Variants in UEVLD observed in about 807,000 individuals in gnomAD.
UEVLD encodes ubiquitin-conjugating enzyme E2 variant 3.
Under a neutral mutation model 58.6 loss-of-function variants are expected in UEVLD, and 47 were observed. That is an observed-to-expected ratio of 0.80 (90% CI 0.63 to 1.02). The LOEUF is 1.02. UEVLD is among the 50% of genes least tolerant of loss of function. UEVLD has a pLI of 0.00. For synonymous variants in UEVLD, 197 were observed against 195.3 expected (o/e 1.01, Z -0.07); for missense variants, 510 against 550.6 (o/e 0.93, Z 0.74).
At chr11:18,558,178 C>A in intron 7 of UEVLD, 50 bp downstream of exon 7, 3 of 1,396,778 alleles carry the variant, frequency 2.1e-6, no homozygotes, top group South Asian at 2.7e-5. Context: ...TTCTAGGAGT[C>A]AAAAATGAAG....
chr11:18,563,009 G>A (rs1246344378), intron 6 of UEVLD, among the ~76,000 whole-genome samples: 1 of 151,262 alleles, frequency 6.6e-6, no homozygotes, highest in Non-Finnish European at 1.5e-5. Context: ...TCATACCAGT[G>A]CATGCCAACT....
chr11:18,566,308 C>T, intron 5 of UEVLD, 39 bp downstream of exon 5: 2 of 1,610,872 alleles, frequency 1.2e-6, no homozygotes, highest in South Asian at 2.2e-5. Context: ...ACTGGTAACT[C>T]ATAACTCTCA....
At chr11:18,552,557 T>A (rs888533162) in intron 7 of UEVLD, among the ~76,000 whole-genome samples, 5 of 150,974 alleles carry the variant, frequency 3.3e-5, no homozygotes, top group Non-Finnish European at 5.9e-5. Flanking sequence ...AAAATGAAAA[T>A]AAAAATTAAA....
intron 7 of UEVLD, among the ~76,000 whole-genome samples, chr11:18,550,684 A>C (rs557706706): frequency 1.3e-5 from 2 of 152,282 alleles, no homozygotes; most frequent in African/African-American, 4.8e-5. Flanking sequence ...CATTAATCAC[A>C]TAGTGCCTCC....
At chr11:18,554,624 CT>C (rs1225212932) in intron 7 of UEVLD, among the ~76,000 whole-genome samples, 2 of 151,822 alleles carry the variant, frequency 1.3e-5, no homozygotes, top group African/African-American at 4.8e-5. Context: ...TCCTCAACCC[CT>C]GACCTCAGGT....
At chr11:18,566,754 A>G (rs1288427184) in intron 4 of UEVLD, among the ~76,000 whole-genome samples, 4 of 152,258 alleles carry the variant, frequency 2.6e-5, no homozygotes, top group African/African-American at 9.6e-5. Context: ...TACACATTAT[A>G]TGATACTTTT....
chr11:18,570,206 G>C lies in UEVLD; in HGVS notation c.357+8C>G, dbSNP rs770029186. ...AAGCTTTCTGTAGAAAATCCAAATT[G>C]ATCTTACATGGCTCCAGTTTTGGAG... On this transcript the variant is annotated splice_region_variant and intron_variant, in intron 4 of 11. Coordinates refer to ENST00000396197, the MANE Select transcript of UEVLD (RefSeq NM_001040697.4). The C allele has an allele frequency of 1.9e-6, 3 of 1,549,984 alleles. No individual in the cohort carries two copies. Among genetic ancestry groups the C allele is most frequent in the African/African-American group, 2.8e-5 (2 of 70,430 alleles).
At chr11:18,541,480 CT>C (rs1851050993) in intron 9 of UEVLD, among the ~76,000 whole-genome samples, 1 of 152,180 alleles carries the variant, frequency 6.6e-6, no homozygotes, top group South Asian at 2.1e-4. Flanking sequence ...AGACTTTTCA[CT>C]GCATATCTTT....
chr11:18,573,615 T>C (rs1157377642), intron 3 of UEVLD, among the ~76,000 whole-genome samples: 3 of 152,230 alleles, frequency 2.0e-5, no homozygotes, highest in Non-Finnish European at 4.4e-5. Flanking sequence ...GCTGCATTCA[T>C]CTCCATCCAT....
At chr11:18,544,554 C>T in intron 9 of UEVLD, 69 bp downstream of exon 9, 1 of 1,524,338 alleles carries the variant, frequency 6.6e-7, no homozygotes. Context: ...GCAATCCTGC[C>T]TTGGCCTCCC....
intron 2 of UEVLD, among the ~76,000 whole-genome samples, chr11:18,577,531 G>A (rs964801857): frequency 2.6e-5 from 4 of 152,204 alleles, no homozygotes; most frequent in Admixed American, 2.0e-4. Flanking sequence ...AAACTACCTT[G>A]GAGGGGGGCC....
At chr11:18,545,012 A>C (rs1851234352) in intron 8 of UEVLD, among the ~76,000 whole-genome samples, 1 of 148,948 alleles carries the variant, frequency 6.7e-6, no homozygotes. Context: ...ACACGTATGT[A>C]TATATACGTG....
intron 7 of UEVLD, among the ~76,000 whole-genome samples, chr11:18,556,203 A>G (rs1283038676): frequency 6.6e-6 from 1 of 152,228 alleles, no homozygotes; most frequent in African/African-American, 2.4e-5. Context: ...TCTAGAGTCC[A>G]TATACTGAAG....
chr11:18,550,716 CTG>C (rs1168566863), intron 7 of UEVLD, among the ~76,000 whole-genome samples: 2 of 152,198 alleles, frequency 1.3e-5, no homozygotes, highest in Non-Finnish European at 2.9e-5. Context: ...TCATGAATAA[CTG>C]TTTATATATT....
rs1013635901 is a variant in UEVLD at position 18,529,863 on chromosome 11, C to T, written c.*2457G>A. ...GCTTCTTGACTTACACTGGGATTTA[C>T]AACATGATTACTAATACACTTAACA... On this transcript the variant is annotated 3_prime_UTR_variant, in exon 12 of 12. Transcript: ENST00000396197. 27 of 152,170 alleles carry T rather than the reference C, an allele frequency of 1.8e-4. No homozygotes were observed. Among genetic ancestry groups the T allele is most frequent in the African/African-American group, 5.8e-4 (24 of 41,438 alleles). 9.4% of individuals were successfully genotyped at this position (152,170 alleles called of 1,614,324 possible).
At chr11:18,579,017 G>A (rs1332835259) in intron 1 of UEVLD, among the ~76,000 whole-genome samples, 1 of 151,998 alleles carries the variant, frequency 6.6e-6, no homozygotes, top group Non-Finnish European at 1.5e-5. Context: ...ACAGGCGCAC[G>A]CCACCACGCC....
intron 2 of UEVLD, among the ~76,000 whole-genome samples, chr11:18,576,553 G>C (rs375422151): frequency 6.6e-6 from 1 of 151,972 alleles, no homozygotes; most frequent in East Asian, 1.9e-4. Flanking sequence ...AATAAATAAA[G>C]TAAAATAAAA....
At chr11:18,551,010 A>G (rs1164204534) in intron 7 of UEVLD, among the ~76,000 whole-genome samples, 1 of 152,200 alleles carries the variant, frequency 6.6e-6, no homozygotes, top group Non-Finnish European at 1.5e-5. Context: ...GGCACTCAAA[A>G]TCTTTGACTT....
intron 7 of UEVLD, among the ~76,000 whole-genome samples, chr11:18,549,219 C>A (rs1192003259): frequency 6.6e-6 from 1 of 152,188 alleles, no homozygotes; most frequent in East Asian, 1.9e-4. Flanking sequence ...GTCCTACACC[C>A]TCATAAGGAT....
Sources: gnomAD v4.1 joint callset for allele counts (sites outside exome capture counted in the v4.1 genomes callset) on GRCh38, gnomAD v4.1.1 for gene constraint, MANE v1.5 for transcripts, NCBI Gene and HGNC (gene_info 2026-07-23, HGNC 2026-07-21) for gene names.